Variants in DBT observed in about 807,000 individuals in gnomAD.
DBT encodes lipoamide acyltransferase component of branched-chain alpha-keto acid dehydrogenase complex, mitochondrial.
In DBT, 40 loss-of-function variants were observed where a neutral mutation model predicts 51.3. The ratio of observed to expected loss-of-function variants is 0.78; its 90% confidence interval spans 0.61 to 1.02. The LOEUF (loss-of-function observed/expected upper bound fraction) is 1.02, where lower values mean the gene tolerates loss of function less well. DBT is among the 50% of genes least tolerant of loss of function. The pLI, the probability that DBT is intolerant of heterozygous loss-of-function variation, is 0.00. For missense variants in DBT, 510 were observed against 580.2 expected, an observed-to-expected ratio of 0.88 and a Z score of 1.24; for synonymous variants, 181 against 190.4, an observed-to-expected ratio of 0.95 and a Z score of 0.41.
intron 2 of DBT, among the ~76,000 whole-genome samples, chr1:100,237,277 A>C (rs1419871790): frequency 6.6e-6 from 1 of 152,226 alleles, no homozygotes; most frequent in East Asian, 1.9e-4. Flanking sequence ...ATGGTCAGAC[A>C]CATGAGTGAG....
Position 100,204,738 on chromosome 1 carries a change from T to A in DBT, c.1281+1492A>T, listed in dbSNP as rs180834520. 2.0e-5 allele frequency among the ~76,000 whole-genome samples: 3 copies of A among 152,252 alleles called. No individual in the cohort carries two copies. The East Asian group carries it at 5.8e-4, about 29-fold the overall frequency. On this transcript the variant is annotated intron_variant, in intron 10 of 10. Transcript: ENST00000370132. ...GGCTACAGTAACCAAAACAGCATGG[T>A]AATGGTACCAAAACAGAGAGATAGA...
chr1:100,216,031 A>G lies in DBT; in HGVS notation c.724T>C (p.Ser242Pro), dbSNP rs146249007. The G allele has an allele frequency of 9.5e-3, 15,273 of 1,613,176 alleles. 90 individuals carry two copies. The highest frequency in any genetic ancestry group is 0.011 in the Non-Finnish European group (13,114 of 1,179,256). Residue 242 changes from serine to proline, a missense_variant, in exon 6 of 11, where the codon TCA (serine) becomes CCA (proline). Transcript: ENST00000370132. ...TTGCCTGTGAATACCGGAGGTTTTG[A>G]TACTAGTATAGGAACAGTCATGTCT... ...PKDMTVPILVSKPPVFTGKDK... is the reference protein window; with the variant it reads ...PKDMTVPILVPKPPVFTGKDK...
intron 3 of DBT, among the ~76,000 whole-genome samples, chr1:100,233,387 A>G (rs1268469733): frequency 6.6e-6 from 1 of 152,136 alleles, no homozygotes; most frequent in Non-Finnish European, 1.5e-5. Context: ...GGTTTTATTT[A>G]CCCTTACCCA....
At chr1:100,198,123 T>C (rs2810424) in intron 10 of DBT, among the ~76,000 whole-genome samples, 133,171 of 152,228 alleles carry the variant, frequency 0.87, 58,619 homozygotes, top group East Asian at 0.97. Context: ...TATTCATTGA[T>C]GGATGAATGT....
At chr1:100,238,529 T>C (rs1003347497) in intron 2 of DBT, among the ~76,000 whole-genome samples, 1 of 151,186 alleles carries the variant, frequency 6.6e-6, no homozygotes, top group African/African-American at 2.4e-5. Flanking sequence ...ATGGCCTAAC[T>C]CTGTTGCCCA....
intron 8 of DBT, among the ~76,000 whole-genome samples, chr1:100,209,841 C>T (rs974126619): frequency 2.0e-5 from 3 of 152,080 alleles, no homozygotes; most frequent in Non-Finnish European, 4.4e-5. Context: ...GGATTATAGG[C>T]GTGAGCCACC....
Position 100,195,990 on chromosome 1 carries a change from A to T in DBT, c.*265T>A. ...TAATTTTGTTAATCTTGCCAGTTTC[A>T]AGCCATTGACACAAAAACATCAGCA... On this transcript the variant is annotated 3_prime_UTR_variant, in exon 11 of 11. Transcript: ENST00000370132. The T allele has an allele frequency of 2.1e-6, 1 of 480,768 alleles. No homozygotes were observed. Among genetic ancestry groups the T allele is most frequent in the Non-Finnish European group, 3.8e-6 (1 of 265,618 alleles). 29.8% of individuals were successfully genotyped at this position (480,768 alleles called of 1,614,324 possible).
chr1:100,218,534 G>C lies in DBT; in HGVS notation c.555+92C>G, dbSNP rs1471407700. The C allele has an allele frequency of 2.1e-5, 28 of 1,357,272 alleles. No homozygotes were observed. In the East Asian group the frequency reaches 5.1e-4, roughly 25 times the overall value. The allele number at this position is 1,357,272 out of a possible 1,614,324, so 84.1% of individuals were successfully genotyped here. A position where few individuals can be genotyped will look rare whatever the true frequency, so the allele number is the denominator to read the frequency against. On this transcript the variant is annotated intron_variant, in intron 5 of 10. Transcript: ENST00000370132. ...CTTCATGTTTCCTTAATTTCATTGA[G>C]CTATTTCATCATGGGATAGTTGGCT...
At position 100,187,032 on chromosome 1, in the gene DBT, TAAA is replaced by T. The variant is rs1660598150; in HGVS notation, c.*9220_*9222del. ...TTTGAGAAAAAGCATGCCATGAGTC[TAAA>T]TAACCAATTTCATTTAGCAAACAAA... is the stretch of plus-strand genomic sequence containing the variant. On this transcript the variant is annotated 3_prime_UTR_variant, in exon 11 of 11. Coordinates refer to ENST00000370132, the MANE Select transcript of DBT (RefSeq NM_001918.5). The T allele has an allele frequency of 2.0e-5, 3 of 152,334 alleles. No homozygotes were observed. The South Asian group carries it at 6.2e-4, about 32-fold the overall frequency. The allele number at this position is 152,334 out of a possible 1,614,324, so 9.4% of individuals were successfully genotyped here. A position where few individuals can be genotyped will look rare whatever the true frequency, so the allele number is the denominator to read the frequency against.
In DBT at chr1:100,231,203, C is replaced by G. The variant is rs111815454; in HGVS notation, c.252-289G>C. The stretch of plus-strand genomic sequence containing the variant: ...GACCCATTTATCAGAAAAACAAGTT[C>G]TAAAAACACATTTTTAAAGTGGTAT... On this transcript the variant is annotated intron_variant, in intron 3 of 10. Transcript: ENST00000370132. Among the ~76,000 whole-genome samples, 70 of 152,142 alleles carry G rather than the reference C, an allele frequency of 4.6e-4. 1 individual carries two copies. The highest frequency in any genetic ancestry group is 1.0e-4 in the Non-Finnish European group (7 of 68,020).
chr1:100,207,241 T>C (rs576390289), intron 8 of DBT, among the ~76,000 whole-genome samples: 108 of 152,290 alleles, frequency 7.1e-4, no homozygotes, highest in Admixed American at 2.4e-3. Flanking sequence ...AATGACGTCA[T>C]GTGATGTAGC....
intron 4 of DBT, 141 bp from the exon 5 acceptor site, chr1:100,218,888 C>T (rs112762668): frequency 2.8e-5 from 17 of 609,050 alleles, no homozygotes; most frequent in African/African-American, 2.4e-4. Flanking sequence ...AGTTGAACTA[C>T]TTCAGAATAG....
At chr1:100,243,389 A>G (rs1418847259) in intron 1 of DBT, among the ~76,000 whole-genome samples, 1 of 150,044 alleles carries the variant, frequency 6.7e-6, no homozygotes, top group East Asian at 2.0e-4. Flanking sequence ...ATCTCAGCTT[A>G]CTGCAACCTC....
intron 1 of DBT, among the ~76,000 whole-genome samples, chr1:100,243,152 C>T (rs1310286163): frequency 6.7e-6 from 1 of 150,112 alleles, no homozygotes; most frequent in African/African-American, 2.4e-5. Flanking sequence ...GTCCCAGCTA[C>T]TTGGGAGGCT....
chr1:100,225,173 T>G (rs1261919058), intron 4 of DBT, among the ~76,000 whole-genome samples: 1 of 151,322 alleles, frequency 6.6e-6, no homozygotes, highest in Non-Finnish European at 1.5e-5. Context: ...TGTCTATCAC[T>G]TCCAGAAGTT....
At chr1:100,200,096 C>T (rs1661352152) in intron 10 of DBT, among the ~76,000 whole-genome samples, 2 of 152,024 alleles carry the variant, frequency 1.3e-5, no homozygotes, top group South Asian at 4.2e-4. Flanking sequence ...AGCCAAGGAG[C>T]CAAGTGGTCT....
intron 4 of DBT, among the ~76,000 whole-genome samples, chr1:100,224,212 A>T (rs1557953067): frequency 6.6e-6 from 1 of 152,230 alleles, no homozygotes; most frequent in African/African-American, 2.4e-5. Flanking sequence ...AAATGTTAAT[A>T]ATATAATTTA....
rs996448162 is a variant in DBT at position 100,193,899 on chromosome 1, C to G, written c.*2356G>C. ...TACAGGCGTGAGCCACCACACCCAG[C>G]CTATGCAGCCATTTAAAGCATGACA... On this transcript the variant is annotated 3_prime_UTR_variant, in exon 11 of 11. Transcript: ENST00000370132. The G allele has an allele frequency of 2.6e-5, 4 of 152,132 alleles. No homozygotes were observed. Among genetic ancestry groups the G allele is most frequent in the Non-Finnish European group, 5.9e-5 (4 of 68,026 alleles). 9.4% of individuals were successfully genotyped at this position (152,132 alleles called of 1,614,324 possible). A position where few individuals can be genotyped will look rare whatever the true frequency, so the allele number is the denominator to read the frequency against.
chr1:100,206,422 T>C (rs1661793608), intron 9 of DBT, 23 bp downstream of exon 9: 13 of 1,586,208 alleles, frequency 8.2e-6, no homozygotes, highest in Non-Finnish European at 9.5e-6. Flanking sequence ...TAATGGTTTA[T>C]GTATTTCAAC....
Sources: gnomAD v4.1 joint callset for allele counts (sites outside exome capture counted in the v4.1 genomes callset) on GRCh38, gnomAD v4.1.1 for gene constraint, MANE v1.5 for transcripts, NCBI Gene and HGNC (gene_info 2026-07-23, HGNC 2026-07-21) for gene names.